NDST3: variants seen among roughly 807,000 people sequenced by gnomAD.
The protein encoded by NDST3 is N-deacetylase and N-sulfotransferase 3, also known as bifunctional heparan sulfate N-deacetylase/N-sulfotransferase 3.
NDST3 carries 58 observed loss-of-function variants against 96.1 expected under a neutral mutation model. The ratio of observed to expected loss-of-function variants is 0.60; its 90% CI spans 0.49 to 0.75. NDST3 has a LOEUF of 0.75. Among genes scored for constraint, NDST3 ranks in the 30% least tolerant of loss-of-function variants. The pLI, the probability that NDST3 is intolerant of heterozygous loss-of-function variation, is 0.00. For synonymous variants in NDST3, 333 were observed against 359.7 expected (o/e 0.93, Z 0.84); for missense variants, 788 against 1,034.2 (o/e 0.76, Z 3.27).
At chr4:118,252,906 A>C (rs988908705) in intron 12 of NDST3, among the ~76,000 whole-genome samples, 2 of 152,218 alleles carry the variant, frequency 1.3e-5, no homozygotes, top group Non-Finnish European at 2.9e-5. Flanking sequence ...AAGAGAAAGA[A>C]AAAAGAAAAA....
In NDST3 at chr4:118,143,651, A is replaced by G; in HGVS notation, c.1506A>G (p.Gly502=). The change falls in exon 6 of 14, where the codon GGA becomes GGG. Residue 502 remains glycine (G), a synonymous_variant. Transcript: ENST00000296499. ...AAGAGCTGGATAAGAGTATCCAAGGAGGAGAACTTTTCTTCACTGTCGTCC... is the reference window on the plus strand; with the variant it reads ...AAGAGCTGGATAAGAGTATCCAAGGGGGAGAACTTTTCTTCACTGTCGTCC... The part of the protein sequence containing the change: ...GPKELDKSIQ[G]GELFFTVVLN... 6 of 1,605,416 alleles carry G rather than the reference A, an allele frequency of 3.7e-6. No individual in the cohort carries two copies. The highest frequency in any genetic ancestry group is 5.1e-6 in the Non-Finnish European group (6 of 1,177,420).
At chr4:118,087,160 G>A (rs2125825778) in intron 2 of NDST3, among the ~76,000 whole-genome samples, 1 of 152,196 alleles carries the variant, frequency 6.6e-6, no homozygotes, top group Admixed American at 6.5e-5. Flanking sequence ...TAACATGTCT[G>A]AGCTTTGGTT....
At chr4:118,159,774 G>GA (rs1324578838) in intron 6 of NDST3, among the ~76,000 whole-genome samples, 5 of 152,076 alleles carry the variant, frequency 3.3e-5, no homozygotes, top group Non-Finnish European at 5.9e-5. Context: ...TAACTGAAGT[G>GA]AAAAAATCAC....
At chr4:118,110,048 A>G (rs1185392111) in intron 3 of NDST3, among the ~76,000 whole-genome samples, 1 of 152,198 alleles carries the variant, frequency 6.6e-6, no homozygotes, top group Non-Finnish European at 1.5e-5. Context: ...CTAGATAAGA[A>G]CATAGAAACT....
chr4:118,227,227 G>T (rs71608354), intron 8 of NDST3, among the ~76,000 whole-genome samples: 1,451 of 40,506 alleles, frequency 0.036, 10 homozygotes, highest in Non-Finnish European at 0.13. Context: ...GGTAGCACAT[G>T]TTTTTTTTTT....
chr4:118,184,590 T>C lies in NDST3; in HGVS notation c.1540-39901T>C, dbSNP rs533828614. On this transcript the variant is annotated intron_variant, in intron 6 of 13. Transcript: ENST00000296499. ...TTTTCTCTCTGTCTCCCTTTGTCTC[T>C]CTCTCTCTCTCTACACACACACACA... Among the ~76,000 whole-genome samples the C allele has an allele frequency of 2.4e-5, 3 of 126,150 alleles. No individual in the cohort carries two copies. In the East Asian group the frequency reaches 7.2e-4, roughly 30 times the overall value. The allele number at this position is 126,150 out of a possible 152,430, so 82.8% of individuals were successfully genotyped here. A position where few individuals can be genotyped will look rare whatever the true frequency, so the allele number is the denominator to read the frequency against.
chr4:118,255,554 C>A, intron 13 of NDST3, 39 bp from the exon 14 acceptor site: 1 of 1,567,920 alleles, frequency 6.4e-7, no homozygotes, highest in Non-Finnish European at 8.7e-7. Flanking sequence ...ATGTAATAAA[C>A]AAAATAAAAT....
chr4:118,225,445 T>C (rs1005109569), intron 7 of NDST3, among the ~76,000 whole-genome samples: 2 of 152,178 alleles, frequency 1.3e-5, no homozygotes, highest in Non-Finnish European at 2.9e-5. Context: ...CTACCTTAAG[T>C]GGTAGGTACA....
intron 6 of NDST3, among the ~76,000 whole-genome samples, chr4:118,185,753 T>C (rs1736911050): frequency 6.6e-6 from 1 of 152,158 alleles, no homozygotes; most frequent in Non-Finnish European, 1.5e-5. Context: ...ATGGCTTGAA[T>C]AGTTGGCTAC....
chr4:118,199,631 G>A (rs1254496000), intron 6 of NDST3, among the ~76,000 whole-genome samples: 1 of 152,122 alleles, frequency 6.6e-6, no homozygotes, highest in Non-Finnish European at 1.5e-5. Flanking sequence ...GTGTTCATTT[G>A]TGTCTGGCCA....
At chr4:118,222,119 T>A (rs186461009) in intron 6 of NDST3, among the ~76,000 whole-genome samples, 98 of 152,138 alleles carry the variant, frequency 6.4e-4, no homozygotes, top group Middle Eastern at 3.4e-3. Context: ...CTTTTCTTTG[T>A]TTCTTTCTAT....
At chr4:118,248,334 G>A (rs1327552671) in intron 12 of NDST3, among the ~76,000 whole-genome samples, 1 of 151,676 alleles carries the variant, frequency 6.6e-6, no homozygotes, top group Admixed American at 6.6e-5. Context: ...CTGGGCGAAA[G>A]AGCAAAACTC....
At chr4:118,041,226 G>A (rs901261389) in intron 1 of NDST3, among the ~76,000 whole-genome samples, 4 of 152,094 alleles carry the variant, frequency 2.6e-5, no homozygotes, top group Non-Finnish European at 1.5e-5. Context: ...CTTTGATGCA[G>A]GCTGTTGGAG....
intron 6 of NDST3, among the ~76,000 whole-genome samples, chr4:118,159,275 A>T (rs1259788420): frequency 6.6e-6 from 1 of 152,214 alleles, no homozygotes; most frequent in Non-Finnish European, 1.5e-5. Flanking sequence ...TTGGCAGCTT[A>T]TAGCAGCTCC....
intron 1 of NDST3, among the ~76,000 whole-genome samples, chr4:118,051,962 G>A (rs79108550): frequency 0.03 from 4,591 of 152,160 alleles, 249 homozygotes; most frequent in African/African-American, 0.1. Context: ...CAGCCGCTAT[G>A]GAAAGAAGTT....
chr4:118,161,148 T>C (rs930853815), intron 6 of NDST3, among the ~76,000 whole-genome samples: 5 of 152,246 alleles, frequency 3.3e-5, no homozygotes, highest in African/African-American at 1.2e-4. Flanking sequence ...CAGACCCTGT[T>C]TGCCTGCGTA....
intron 2 of NDST3, among the ~76,000 whole-genome samples, chr4:118,081,453 A>C (rs909270192): frequency 1.3e-5 from 2 of 152,230 alleles, no homozygotes; most frequent in African/African-American, 4.8e-5. Context: ...ATACAAAAGT[A>C]CATTGCAGTA....
At chr4:118,035,912 T>G (rs1724125019) in intron 1 of NDST3, among the ~76,000 whole-genome samples, 1 of 152,088 alleles carries the variant, frequency 6.6e-6, no homozygotes, top group African/African-American at 2.4e-5. Flanking sequence ...TTTATCTCTT[T>G]CTGGAGATAT....
At chr4:118,181,962 T>C (rs1185672970) in intron 6 of NDST3, among the ~76,000 whole-genome samples, 1 of 152,166 alleles carries the variant, frequency 6.6e-6, no homozygotes, top group Non-Finnish European at 1.5e-5. Flanking sequence ...CCTTTTATGA[T>C]TTAACCAAGG....
Sources: allele counts gnomAD v4.1 joint callset (sites outside exome capture counted in the v4.1 genomes callset), GRCh38; gene constraint gnomAD v4.1.1; transcripts MANE v1.5; gene names NCBI Gene and HGNC (gene_info 2026-07-23, HGNC 2026-07-21).